The following TMBIM4 variants were observed in gnomAD, a reference collection of about 807,000 sequenced individuals.
TMBIM4 encodes the protein protein lifeguard 4.
TMBIM4 carries 28 observed loss-of-function variants against 27.7 expected under a neutral mutation model. The ratio of observed to expected loss-of-function variants is 1.01; its 90% confidence interval spans 0.75 to 1.38. TMBIM4 has a LOEUF of 1.38. TMBIM4 is among the 40% of genes most tolerant of loss of function. TMBIM4 has a pLI of 0.00. For missense variants in TMBIM4, 265 were observed against 277.5 expected (o/e 0.95, Z 0.32); for synonymous variants, 115 against 113.1 (o/e 1.02, Z -0.11).
chr12:66,161,821 C>T lies in TMBIM4; in HGVS notation c.97+8034G>A, dbSNP rs534663633. Among the ~76,000 whole-genome samples, 3 of 152,270 alleles carry T rather than the reference C, an allele frequency of 2.0e-5. No homozygotes were observed. The East Asian group carries it at 5.8e-4, about 29-fold the overall frequency. ...AGTCTATAGGCCAGGCACATTAGCT[C>T]ATGCCTGTAATCACAGCTCTTTGGG... On this transcript the variant is annotated intron_variant, in intron 1 of 6. Coordinates refer to ENST00000358230, the MANE Select transcript of TMBIM4 (RefSeq NM_016056.4).
intron 5 of TMBIM4, among the ~76,000 whole-genome samples, chr12:66,144,019 ATG>A (rs1429254374): frequency 2.0e-5 from 3 of 152,176 alleles, no homozygotes; most frequent in Non-Finnish European, 4.4e-5. Flanking sequence ...ATAGCAGTAG[ATG>A]TGATTCAGTG....
chr12:66,157,819 G>C (rs1476101123), intron 1 of TMBIM4, among the ~76,000 whole-genome samples: 9 of 152,148 alleles, frequency 5.9e-5, no homozygotes, highest in Admixed American at 5.9e-4. Context: ...AGTAGAAAAT[G>C]TGCTTAATGA....
intron 1 of TMBIM4, among the ~76,000 whole-genome samples, chr12:66,154,702 A>C (rs762460523): frequency 2.0e-5 from 3 of 152,218 alleles, no homozygotes; most frequent in Non-Finnish European, 4.4e-5. Flanking sequence ...TTTGAAAAAC[A>C]TTCCTACTAA....
At position 66,153,418 on chromosome 12, in the gene TMBIM4, G is replaced by A; in HGVS notation, c.128C>T (p.Ser43Phe). 1 of 1,597,470 alleles carries A rather than the reference G, an allele frequency of 6.3e-7. No individual in the cohort carries two copies. The highest frequency in any genetic ancestry group is 2.3e-5 in the East Asian group (1 of 44,252). The change falls in exon 2 of 7, where the codon TCT becomes TTT. Residue 43 changes from serine (S) to phenylalanine (F), a missense_variant. Transcript: ENST00000358230. ...AFLRKVYSIL[S>F]LQVLLTTVTS... The stretch of plus-strand genomic sequence containing the variant: ...CACTGTAGTTAAGAGAACCTGCAGA[G>A]AAAGAATGCTGTAGACTTTTCTCAG...
At chr12:66,159,013 T>C (rs762852524) in intron 1 of TMBIM4, among the ~76,000 whole-genome samples, 2 of 152,206 alleles carry the variant, frequency 1.3e-5, no homozygotes, top group African/African-American at 2.4e-5. Context: ...GATGATGCTA[T>C]ACTAGGGTAT....
intron 1 of TMBIM4, among the ~76,000 whole-genome samples, chr12:66,162,670 A>G (rs895592977): frequency 2.0e-5 from 3 of 152,240 alleles, no homozygotes; most frequent in Admixed American, 6.5e-5. Context: ...AAAGTGATAC[A>G]TAACATTGTT....
At chr12:66,141,706 A>G (rs1249537066) in intron 5 of TMBIM4, among the ~76,000 whole-genome samples, 2 of 152,142 alleles carry the variant, frequency 1.3e-5, no homozygotes, top group African/African-American at 4.8e-5. Flanking sequence ...AACAAAATAG[A>G]TTTTAGGGCA....
intron 3 of TMBIM4, among the ~76,000 whole-genome samples, chr12:66,149,753 T>A (rs1171349407): frequency 6.6e-6 from 1 of 152,150 alleles, no homozygotes; most frequent in African/African-American, 2.4e-5. Context: ...GGTTAAAGAA[T>A]CACCAATGCT....
At chr12:66,169,782 G>A (rs1445356382) in intron 1 of TMBIM4, 73 bp downstream of exon 1, 2 of 1,211,428 alleles carry the variant, frequency 1.7e-6, no homozygotes, top group Non-Finnish European at 2.2e-6. Flanking sequence ...TCCCTCGGAA[G>A]CCGGAAGTCG....
chr12:66,138,060 G>A lies in TMBIM4; in HGVS notation c.617C>T (p.Ser206Leu). ...YDTHSLMHKL[S>L]PEEYVLAAIS... ...GGCAGCTAATACGTACTCTTCAGGT[G>A]ACAGTTTATGCATCAGTGAGTGTGT... Residue 206 changes from serine to leucine, a missense_variant, in exon 7 of 7, where the codon TCA becomes TTA. By Grantham distance (145) the Ser-to-Leu change is moderately radical. Transcript: ENST00000358230. 6.2e-7 allele frequency: 1 copy of A among 1,613,950 alleles called. No homozygotes were observed. Among genetic ancestry groups the A allele is most frequent in the Non-Finnish European group, 8.5e-7 (1 of 1,179,976 alleles).
chr12:66,139,000 C>G (rs781175083), intron 5 of TMBIM4: 143 of 429,534 alleles, frequency 3.3e-4, no homozygotes, highest in Non-Finnish European at 4.7e-4. Flanking sequence ...GTATACAAAC[C>G]TAGTTAACAG....
chr12:66,157,105 C>T (rs1004728242), intron 1 of TMBIM4, among the ~76,000 whole-genome samples: 4 of 152,082 alleles, frequency 2.6e-5, no homozygotes, highest in Admixed American at 6.5e-5. Flanking sequence ...GTTGTACCAT[C>T]GCCCTTTGGA....
At chr12:66,139,171 T>C (rs772107526) in intron 5 of TMBIM4, among the ~76,000 whole-genome samples, 6 of 152,246 alleles carry the variant, frequency 3.9e-5, no homozygotes, top group African/African-American at 9.6e-5. Context: ...TCTGTGAACA[T>C]GTCTATCGAA....
chr12:66,140,104 A>G (rs901770167), intron 5 of TMBIM4, among the ~76,000 whole-genome samples: 4 of 152,236 alleles, frequency 2.6e-5, no homozygotes, highest in Admixed American at 1.3e-4. Context: ...CCAGCATCCA[A>G]TAAAAAATTA....
At chr12:66,166,051 A>AG (rs2052120983) in intron 1 of TMBIM4, among the ~76,000 whole-genome samples, 1 of 152,194 alleles carries the variant, frequency 6.6e-6, no homozygotes, top group Admixed American at 6.5e-5. Flanking sequence ...TCTTACATTT[A>AG]GGACTTCGAT....
intron 1 of TMBIM4, among the ~76,000 whole-genome samples, chr12:66,154,974 T>A (rs1288042760): frequency 6.6e-6 from 1 of 152,160 alleles, no homozygotes; most frequent in Non-Finnish European, 1.5e-5. Flanking sequence ...GAGTGTCCAT[T>A]GTATTTTGGC....
rs570193890 is a variant in TMBIM4, at chr12:66,146,374, T to C, written c.347-416A>G. On this transcript the variant is annotated intron_variant, in intron 4 of 6. Coordinates refer to ENST00000358230, the MANE Select transcript of TMBIM4 (RefSeq NM_016056.4). ...GGTCTCCTGCCTGGCTGGGAATTCC[T>C]GGACAGTAGCAGCAAATCCAGCAAT... is the stretch of plus-strand genomic sequence containing the variant. Among the ~76,000 whole-genome samples the C allele has an allele frequency of 4.6e-5, 7 of 152,260 alleles. 1 individual carries two copies. The South Asian group carries it at 1.4e-3, about 32-fold the overall frequency.
intron 1 of TMBIM4, chr12:66,169,426 G>A (rs737614): frequency 0.087 from 45,637 of 527,556 alleles, 4,324 homozygotes; most frequent in East Asian, 0.44. Flanking sequence ...CCTGTAACGC[G>A]AAACCCCACA....
At chr12:66,149,492 C>T (rs935610646) in intron 3 of TMBIM4, among the ~76,000 whole-genome samples, 1 of 146,434 alleles carries the variant, frequency 6.8e-6, no homozygotes, top group African/African-American at 2.5e-5. Context: ...TTGGGGGGGG[C>T]AGGGCAACAT....
Sources: allele counts gnomAD v4.1 joint callset (sites outside exome capture counted in the v4.1 genomes callset), GRCh38; gene constraint gnomAD v4.1.1; transcripts MANE v1.5; gene names NCBI Gene and HGNC (gene_info 2026-07-23, HGNC 2026-07-21).